The following BIRC6 variants were observed in gnomAD, a reference collection of about 807,000 sequenced individuals.
BIRC6 encodes dual E2 ubiquitin-conjugating enzyme/E3 ubiquitin-protein ligase BIRC6.
In BIRC6, 98 loss-of-function variants were observed where a neutral mutation model predicts 503.3. The observed-to-expected ratio is 0.19, with a 90% CI of 0.17 to 0.23. BIRC6 has a LOEUF of 0.23. Among genes scored for constraint, BIRC6 ranks in the 10% least tolerant of loss-of-function variants. BIRC6 has a pLI of 1.00. For missense variants in BIRC6, 5,360 were observed against 5,806.0 expected (o/e 0.92, Z 2.50); for synonymous variants, 2,240 against 2,078.7 (o/e 1.08, Z -2.11).
chr2:32,511,110 C>G (rs2149614354), intron 53 of BIRC6, among the ~76,000 whole-genome samples: 1 of 151,496 alleles, frequency 6.6e-6, no homozygotes, highest in Non-Finnish European at 1.5e-5. Context: ...TGCACCCTTT[C>G]CTGCTGTTTA....
Position 32,467,534 on chromosome 2 carries a change from G to A in BIRC6, c.5366G>A (p.Arg1789Lys). The A allele has an allele frequency of 6.2e-7, 1 of 1,613,818 alleles. No individual in the cohort carries two copies. The change falls in exon 27 of 74, where the codon AGA becomes AAA. Residue 1789 changes from arginine (R) to lysine (K), a missense_variant. Physicochemically the swap from Arg to Lys is conservative, Grantham distance 26 (BLOSUM62 2). Transcript: ENST00000421745. ...CTTCTTTCTCTCATAGGAGCAAGAA[G>A]ATTTGTGACCTTGGATTTTGGGAGG... Reference protein sequence around the residue: ...IIERMHSGARRFVTLDFGRPI... With the variant: ...IIERMHSGARKFVTLDFGRPI...
chr2:32,432,195 C>A (rs2044200266), intron 12 of BIRC6, among the ~76,000 whole-genome samples: 1 of 152,088 alleles, frequency 6.6e-6, no homozygotes, highest in Non-Finnish European at 1.5e-5. Flanking sequence ...GCAGGTAAAT[C>A]AGTTGAGGCC....
intron 47 of BIRC6, 81 bp downstream of exon 47, chr2:32,501,969 A>G: frequency 1.5e-6 from 2 of 1,301,800 alleles, no homozygotes; most frequent in Non-Finnish European, 1.1e-6. Flanking sequence ...ACAAAGATAA[A>G]TAAGTATATT....
intron 10 of BIRC6, among the ~76,000 whole-genome samples, chr2:32,424,346 G>T (rs1278623391): frequency 2.6e-5 from 4 of 152,000 alleles, no homozygotes; most frequent in African/African-American, 7.3e-5. Flanking sequence ...TGTGACTACT[G>T]TAAGGGGTGA....
At chr2:32,472,655 A>G (rs1215700648) in intron 32 of BIRC6, among the ~76,000 whole-genome samples, 3 of 152,164 alleles carry the variant, frequency 2.0e-5, no homozygotes, top group Non-Finnish European at 4.4e-5. Flanking sequence ...AAAAAAGGAG[A>G]GTAAGTATAG....
chr2:32,552,288 C>T (rs754955550), intron 65 of BIRC6, among the ~76,000 whole-genome samples: 4 of 152,180 alleles, frequency 2.6e-5, no homozygotes, highest in Non-Finnish European at 5.9e-5. Context: ...ATACCAGAGT[C>T]TGCTCCTCAT....
At chr2:32,454,112 C>G (rs1317220981) in intron 23 of BIRC6, among the ~76,000 whole-genome samples, 170 bp downstream of exon 23, 1 of 152,000 alleles carries the variant, frequency 6.6e-6, no homozygotes, top group Admixed American at 6.5e-5. Context: ...ATATTCTTTC[C>G]TAAGTCAATT....
At chr2:32,405,449 C>T (rs932895121) in intron 8 of BIRC6, among the ~76,000 whole-genome samples, 1 of 152,160 alleles carries the variant, frequency 6.6e-6, no homozygotes, top group African/African-American at 2.4e-5. Flanking sequence ...TCAAACATTG[C>T]CTTGGAGTGC....
At chr2:32,479,423 G>T in intron 36 of BIRC6, 39 bp from the exon 37 acceptor site, 1 of 1,550,886 alleles carries the variant, frequency 6.4e-7, no homozygotes, top group Non-Finnish European at 8.7e-7. Context: ...TTCGAAATCT[G>T]TATAAATTAT....
chr2:32,591,673 T>C (rs115843384), intron 66 of BIRC6, among the ~76,000 whole-genome samples: 3,142 of 152,312 alleles, frequency 0.021, 60 homozygotes, highest in Non-Finnish European at 0.032. Context: ...GAAATCTTTA[T>C]TGAGAGTACA....
chr2:32,403,269 A>G (rs1179873489), intron 8 of BIRC6, among the ~76,000 whole-genome samples: 2 of 152,198 alleles, frequency 1.3e-5, no homozygotes, highest in Non-Finnish European at 2.9e-5. Context: ...ACAAGATCCA[A>G]TATGTTTGGT....
intron 23 of BIRC6, among the ~76,000 whole-genome samples, chr2:32,454,491 C>G (rs1247125489): frequency 6.7e-6 from 1 of 150,224 alleles, no homozygotes; most frequent in East Asian, 1.9e-4. Context: ...TTTTTTTTTC[C>G]TTCTCACGTA....
intron 65 of BIRC6, chr2:32,558,686 A>G (rs961558888): frequency 1.3e-5 from 2 of 152,216 alleles, no homozygotes; most frequent in African/African-American, 4.8e-5. Context: ...GTGTTATCAG[A>G]TATGTTGCTT....
intron 10 of BIRC6, among the ~76,000 whole-genome samples, chr2:32,425,943 T>C (rs1189378060): frequency 1.3e-5 from 2 of 152,234 alleles, no homozygotes; most frequent in Admixed American, 1.3e-4. Flanking sequence ...GGGCTGAGTA[T>C]GGAGGGGTAG....
At chr2:32,592,519 C>G (rs760999039) in intron 66 of BIRC6, among the ~76,000 whole-genome samples, 2 of 151,856 alleles carry the variant, frequency 1.3e-5, no homozygotes, top group Non-Finnish European at 2.9e-5. Flanking sequence ...TGAATAGCTT[C>G]TGAGCAGATT....
intron 9 of BIRC6, among the ~76,000 whole-genome samples, chr2:32,407,445 CAAAAAAAAAAAAA>C (rs760585710): frequency 1.4e-5 from 1 of 69,812 alleles, no homozygotes; most frequent in Non-Finnish European, 3.0e-5. Context: ...AACTCTGTCT[CAAAAAAAAAAAAA>C]AAAAAAAAAG....
chr2:32,453,785 TA>T (rs1558768955), intron 22 of BIRC6, 22 bp from the exon 23 acceptor site: 12 of 1,608,408 alleles, frequency 7.5e-6, no homozygotes, highest in Non-Finnish European at 9.3e-6. Context: ...TCACGTGTTA[TA>T]AAACTTGTCT....
At chr2:32,416,901 ATCTCAGCTCACTGCAACATCCGC>A (rs1366639222) in intron 10 of BIRC6, among the ~76,000 whole-genome samples, 1 of 150,368 alleles carries the variant, frequency 6.7e-6, no homozygotes, top group Non-Finnish European at 1.5e-5. Flanking sequence ...CAGTGGCCCA[ATCTCAGCTCACTGCAACATCCGC>A]TCCCAGGTTC....
chr2:32,572,665 TTATAG>T (rs1309993938), intron 65 of BIRC6, among the ~76,000 whole-genome samples: 3 of 152,118 alleles, frequency 2.0e-5, no homozygotes, highest in Admixed American at 1.3e-4. Context: ...TACTATAAAA[TTATAG>T]TAAGTAGGAT....
Sources: allele counts gnomAD v4.1 joint callset (sites outside exome capture counted in the v4.1 genomes callset), GRCh38; gene constraint gnomAD v4.1.1; transcripts MANE v1.5; gene names NCBI Gene and HGNC (gene_info 2026-07-23, HGNC 2026-07-21).